Variants in MAP7 observed in about 807,000 individuals in gnomAD.
The protein encoded by MAP7 is ensconsin.
In MAP7, 52 loss-of-function variants were observed where a neutral mutation model predicts 94.8. That is an observed-to-expected ratio of 0.55 (90% CI 0.44 to 0.69). The LOEUF (loss-of-function observed/expected upper bound fraction) is 0.69, where lower values mean the gene tolerates loss of function less well. MAP7 is among the 30% of genes least tolerant of loss of function. The pLI, the probability that MAP7 is intolerant of heterozygous loss-of-function variation, is 0.00. For missense variants in MAP7, 940 were observed against 964.6 expected (o/e 0.97, Z 0.34); for synonymous variants, 350 against 357.0 (o/e 0.98, Z 0.22).
At chr6:136,454,304 T>TATCC (rs1802121782) in intron 1 of MAP7, among the ~76,000 whole-genome samples, 1 of 151,814 alleles carries the variant, frequency 6.6e-6, no homozygotes, top group Non-Finnish European at 1.5e-5. Flanking sequence ...TCTATCTATC[T>TATCC]ATCTATCTAT....
intron 1 of MAP7, among the ~76,000 whole-genome samples, chr6:136,524,159 G>A (rs1324308226): frequency 1.3e-5 from 2 of 152,072 alleles, no homozygotes; most frequent in East Asian, 3.9e-4. Context: ...CAGGAGAATT[G>A]CTTGAACCTG....
At chr6:136,351,885 G>T (rs1055915368) in intron 16 of MAP7, among the ~76,000 whole-genome samples, 1 of 152,104 alleles carries the variant, frequency 6.6e-6, no homozygotes, top group African/African-American at 2.4e-5. Context: ...TAGCATACAC[G>T]TGCTTTTCCC....
intron 4 of MAP7, 66 bp from the exon 5 acceptor site, chr6:136,388,576 G>A (rs1312010138): frequency 1.5e-6 from 2 of 1,293,908 alleles, no homozygotes; most frequent in South Asian, 2.4e-5. Context: ...TTCAATTTAA[G>A]GCAGAATGGA....
At chr6:136,365,699 A>G (rs758929011) in intron 10 of MAP7, 36 bp downstream of exon 10, 1 of 1,593,476 alleles carries the variant, frequency 6.3e-7, no homozygotes, top group Non-Finnish European at 8.6e-7. Context: ...GGAGAAAAAG[A>G]GAGAGCACCC....
chr6:136,366,113 T>C, intron 9 of MAP7, 95 bp from the exon 10 acceptor site: 1 of 1,299,114 alleles, frequency 7.7e-7, no homozygotes, highest in Non-Finnish European at 1.0e-6. Context: ...AATGCAGATA[T>C]TTAGCTCCGT....
chr6:136,390,675 CAAATA>C (rs1036592962), intron 3 of MAP7, among the ~76,000 whole-genome samples: 9 of 151,934 alleles, frequency 5.9e-5, no homozygotes, highest in Admixed American at 4.6e-4. Context: ...AACAAACAAA[CAAATA>C]AAAGAAAAAA....
At chr6:136,366,592 T>C (rs1336495735) in intron 8 of MAP7, among the ~76,000 whole-genome samples, 153 bp from the exon 9 acceptor site, 1 of 152,222 alleles carries the variant, frequency 6.6e-6, no homozygotes. Context: ...CAAAAGGCCC[T>C]TGTTAGCTTA....
At chr6:136,538,176 C>T (rs896882342) in intron 1 of MAP7, among the ~76,000 whole-genome samples, 16 of 152,196 alleles carry the variant, frequency 1.1e-4, no homozygotes, top group Admixed American at 1.0e-3. Context: ...GCCCACACAC[C>T]ACACCCAGGA....
rs151018194 is a variant in MAP7, at chr6:136,365,937, A to G, written c.1071T>C (p.Ala357=). 349 of 1,613,906 alleles carry G rather than the reference A, an allele frequency of 2.2e-4. No homozygotes were observed. The highest frequency in any genetic ancestry group is 2.6e-4 in the Non-Finnish European group (310 of 1,180,036). The stretch of plus-strand genomic sequence containing the variant: ...GGGATGGGGGCCGGACCTGAGCAGG[A>G]GCAGCTTTGACTGAGCCGGGTGGCA... ...SSLPPGSVKA[A]PAQVRPPSPG... Residue 357 remains alanine, a synonymous_variant, in exon 10 of 18, where the codon GCT becomes GCC. Coordinates refer to ENST00000354570, the MANE Select transcript of MAP7 (RefSeq NM_003980.6).
In MAP7 at chr6:136,452,622, G is replaced by A. The variant is rs557400294; in HGVS notation, c.68-30823C>T. Among the ~76,000 whole-genome samples the A allele has an allele frequency of 3.3e-5, 5 of 151,558 alleles. No homozygotes were observed. In the South Asian group the frequency reaches 8.3e-4, roughly 25 times the overall value. On this transcript the variant is annotated intron_variant, in intron 1 of 17. Transcript: ENST00000354570. ...GGCTGGAGTGCAGTGGCACGATCTC[G>A]GCTCACTGCAACCTCCATCTCCTAG...
chr6:136,393,986 T>A (rs1015265490), intron 3 of MAP7, among the ~76,000 whole-genome samples: 3 of 143,168 alleles, frequency 2.1e-5, no homozygotes, highest in Non-Finnish European at 4.6e-5. Flanking sequence ...GTATTTTTTT[T>A]TTTTTTTTTT....
chr6:136,405,136 T>C (rs1785205605), intron 3 of MAP7, among the ~76,000 whole-genome samples: 1 of 152,218 alleles, frequency 6.6e-6, no homozygotes, highest in African/African-American at 2.4e-5. Context: ...TCATCTCCAC[T>C]TAACATTAAA....
chr6:136,349,198 C>T (rs1013144446), intron 16 of MAP7, among the ~76,000 whole-genome samples: 3 of 152,144 alleles, frequency 2.0e-5, no homozygotes, highest in Non-Finnish European at 4.4e-5. Context: ...CAAGTACTCT[C>T]TCTTAAGAAC....
chr6:136,485,555 ATTT>A (rs747333121), intron 1 of MAP7, among the ~76,000 whole-genome samples: 1 of 98,156 alleles, frequency 1.0e-5, no homozygotes, highest in Non-Finnish European at 1.9e-5. Flanking sequence ...TCCACTTCAG[ATTT>A]TTTTTTTTTT....
chr6:136,403,570 A>G (rs1478053935), intron 3 of MAP7, among the ~76,000 whole-genome samples: 2 of 152,242 alleles, frequency 1.3e-5, no homozygotes, highest in African/African-American at 4.8e-5. Context: ...CTAGCAAGAA[A>G]GAGCTGGGCA....
At chr6:136,406,154 G>A (rs1785526794) in intron 3 of MAP7, among the ~76,000 whole-genome samples, 1 of 152,128 alleles carries the variant, frequency 6.6e-6, no homozygotes, top group African/African-American at 2.4e-5. Flanking sequence ...TTTCTGAAGA[G>A]AAATCGGTAA....
chr6:136,500,524 T>C (rs1226065124), intron 1 of MAP7, among the ~76,000 whole-genome samples: 1 of 152,258 alleles, frequency 6.6e-6, no homozygotes, highest in African/African-American at 2.4e-5. Flanking sequence ...TGAATCACTT[T>C]GAAAGTAACT....
intron 3 of MAP7, among the ~76,000 whole-genome samples, chr6:136,393,646 T>C (rs558101355): frequency 1.3e-5 from 2 of 152,258 alleles, no homozygotes; most frequent in South Asian, 4.1e-4. Flanking sequence ...ATCTATCTAT[T>C]TATTTTAGAG....
chr6:136,377,919 A>T, intron 6 of MAP7, 51 bp from the exon 7 acceptor site: 1 of 1,320,808 alleles, frequency 7.6e-7, no homozygotes, highest in Non-Finnish European at 1.1e-6. Flanking sequence ...TTCAGAGTCA[A>T]GAGGGCATAA....
Sources: gnomAD v4.1 joint callset for allele counts (sites outside exome capture counted in the v4.1 genomes callset) on GRCh38, gnomAD v4.1.1 for gene constraint, MANE v1.5 for transcripts, NCBI Gene and HGNC (gene_info 2026-07-23, HGNC 2026-07-21) for gene names.